INTS1: variants seen among roughly 807,000 people sequenced by gnomAD.
INTS1 encodes the protein integrator complex subunit 1.
A neutral mutation model predicts 241.6 loss-of-function variants in INTS1; 137 were observed. The ratio of observed to expected loss-of-function variants is 0.57; its 90% CI spans 0.49 to 0.65. The LOEUF (loss-of-function observed/expected upper bound fraction) is 0.65. Among genes scored for constraint, INTS1 ranks in the 30% least tolerant of loss-of-function variants. INTS1 has a pLI of 0.00. For synonymous variants in INTS1, 1,692 were observed against 1,337.8 expected (o/e 1.26, Z -5.78); for missense variants, 3,073 against 3,032.2 (o/e 1.01, Z -0.32).
chr7:1,503,832 A>T (rs1311058365), intron 2 of INTS1, 71 bp downstream of exon 2: 4 of 844,386 alleles, frequency 4.7e-6, no homozygotes, highest in Non-Finnish European at 6.9e-6. Context: ...GATCCGCGGC[A>T]GCTGAGATCC....
intron 43 of INTS1, among the ~76,000 whole-genome samples, 167 bp downstream of exon 43, chr7:1,472,905 G>T (rs77556237): frequency 0.055 from 8,396 of 152,198 alleles, 766 homozygotes; most frequent in African/African-American, 0.19. Context: ...ACCAGTCAGT[G>T]CTTCGTCCCC....
intron 39 of INTS1, 138 bp downstream of exon 39, chr7:1,475,810 G>T: frequency 1.8e-6 from 2 of 1,097,354 alleles, no homozygotes; most frequent in Non-Finnish European, 2.5e-6. Flanking sequence ...AACCCACAGG[G>T]CCACAGGGCG....
At position 1,496,240 on chromosome 7, in the gene INTS1, C is replaced by T. The variant is rs780652706; in HGVS notation, c.1627G>A (p.Asp543Asn). 17 of 1,613,748 alleles carry T rather than the reference C, an allele frequency of 1.1e-5. No individual in the cohort carries two copies. The highest frequency in any genetic ancestry group is 1.3e-5 in the Non-Finnish European group (15 of 1,179,804). Residue 543 changes from aspartate to asparagine, a missense_variant, in exon 12 of 48, where the codon GAC becomes AAC. Asp to Asn is a conservative substitution (Grantham distance 23). Coordinates refer to ENST00000404767, the MANE Select transcript of INTS1 (RefSeq NM_001080453.3). ...AGCATCATGGACACGGCCAGGACGT[C>T]GGTGATGTGCACCACGAAGCGCTCC... ...FKERFVVHIT[D>N]VLAVSMMLGI...
chr7:1,477,437 G>T (rs559884316), intron 35 of INTS1, 113 bp downstream of exon 35: 3 of 1,231,608 alleles, frequency 2.4e-6, no homozygotes, highest in East Asian at 2.6e-5. Context: ...CTGAGAGCAG[G>T]GGGGGTGCTG....
rs773762552 is a variant in INTS1, at chr7:1,481,450, C to T, written c.3742G>A (p.Val1248Met). 1 of 1,611,712 alleles carries T rather than the reference C, an allele frequency of 6.2e-7. No homozygotes were observed. Among genetic ancestry groups the T allele is most frequent in the South Asian group, 1.1e-5 (1 of 91,080 alleles). The change falls in exon 28 of 48, where the codon GTG becomes ATG. Residue 1248 changes from valine to methionine, a missense_variant. By Grantham distance (21) the Val-to-Met change is conservative. Coordinates refer to ENST00000404767, the MANE Select transcript of INTS1 (RefSeq NM_001080453.3). This position sits in a 1 kb window ranked among gnomAD's most constrained non-coding sequence, Gnocchi z 6.8. ...GACACGGGGATGCCAAACGACTGCACGAACAGCAGCAGCTGCTGCGGCTCC... is the reference window on the plus strand; with the variant it reads ...GACACGGGGATGCCAAACGACTGCATGAACAGCAGCAGCTGCTGCGGCTCC... ...DLEPQQLLLF[V>M]QSFGIPVSSM... is the part of the protein sequence containing the mutation.
At chr7:1,473,901 G>C (rs1781589664) in intron 41 of INTS1, among the ~76,000 whole-genome samples, 1 of 152,270 alleles carries the variant, frequency 6.6e-6, no homozygotes, top group Non-Finnish European at 1.5e-5. Flanking sequence ...TGCCCAGATG[G>C]ATGAGGGGCT....
intron 41 of INTS1, 61 bp downstream of exon 41, chr7:1,474,107 G>C: frequency 6.7e-7 from 1 of 1,488,104 alleles, no homozygotes; most frequent in Non-Finnish European, 8.9e-7. Flanking sequence ...GGGTGAGGCA[G>C]GCCTGGGCCA....
chr7:1,503,236 A>C (rs1301607985), intron 2 of INTS1, 45 bp from the exon 3 acceptor site: 2 of 1,499,672 alleles, frequency 1.3e-6, no homozygotes, highest in Non-Finnish European at 1.8e-6. Flanking sequence ...TGCAACACCC[A>C]AGATGGAAAA....
Position 1,503,155 on chromosome 7 carries a change from G to A in INTS1, c.95C>T (p.Ser32Leu), listed in dbSNP as rs745318401. 1.3e-6 allele frequency: 2 copies of A among 1,564,142 alleles called. No individual in the cohort carries two copies. The highest frequency in any genetic ancestry group is 1.7e-6 in the Non-Finnish European group (2 of 1,152,370). ...PPPGDFIALGSKGQANESKTA... is the reference protein window; with the variant it reads ...PPPGDFIALGLKGQANESKTA... ...TTTCGATTCATTGGCCTGACCCTTT[G>A]AGCCCAGAGCAATGAAGTCTCCTGG... The change falls in exon 3 of 48, where the codon TCA becomes TTA. Residue 32 changes from serine to leucine, a missense_variant. By Grantham distance (145) the Ser-to-Leu change is moderately radical (BLOSUM62 -2). Coordinates refer to ENST00000404767, the MANE Select transcript of INTS1 (RefSeq NM_001080453.3).
intron 39 of INTS1, among the ~76,000 whole-genome samples, chr7:1,475,271 G>A (rs1781657035): frequency 6.6e-6 from 1 of 152,106 alleles, no homozygotes; most frequent in South Asian, 2.1e-4. Context: ...TGTGATCCCA[G>A]CTACTCGGGA....
chr7:1,489,207 C>G (rs1041747641), intron 18 of INTS1, 137 bp downstream of exon 18: 10 of 158,146 alleles, frequency 6.3e-5, no homozygotes, highest in Non-Finnish European at 7.9e-5. Flanking sequence ...TCCAGAAGCT[C>G]AGGTCCATGA....
In INTS1 at chr7:1,474,168, C is replaced by G; in HGVS notation, c.5829G>C (p.Leu1943=). The change falls in exon 41 of 48, where the codon CTG becomes CTC. Residue 1943 remains leucine, a splice_region_variant and synonymous_variant. Transcript: ENST00000404767. The part of the protein sequence containing the change: ...DCLLSFIRLL[L]NYRKSSRHLA... ...GAGGGCGGGCGGCGGGAGCACACACCAGCAGCAGGCGGATGAAGGACAGAA... is the reference window on the plus strand; with the variant it reads ...GAGGGCGGGCGGCGGGAGCACACACGAGCAGCAGGCGGATGAAGGACAGAA... The G allele has an allele frequency of 6.4e-7, 1 of 1,564,964 alleles. No homozygotes were observed. Among genetic ancestry groups the G allele is most frequent in the Non-Finnish European group, 8.6e-7 (1 of 1,157,852 alleles).
chr7:1,501,869 G>C (rs1300255945), intron 3 of INTS1, among the ~76,000 whole-genome samples: 1 of 152,100 alleles, frequency 6.6e-6, no homozygotes, highest in Non-Finnish European at 1.5e-5. Flanking sequence ...TGCTGCCCAG[G>C]CCAGGCCAGG....
At chr7:1,480,992 C>A in intron 28 of INTS1, 59 bp from the exon 29 acceptor site, 1 of 1,285,632 alleles carries the variant, frequency 7.8e-7, no homozygotes, top group Non-Finnish European at 1.1e-6. Flanking sequence ...GCAGGTCCTT[C>A]CCTCTCCACA....
In INTS1 at chr7:1,489,597, T is replaced by C; in HGVS notation, c.2251A>G (p.Asn751Asp). The change falls in exon 17 of 48, where the codon AAC (asparagine) becomes GAC (aspartate). Residue 751 changes from asparagine to aspartate, a missense_variant. Physicochemically the swap from Asn to Asp is conservative, Grantham distance 23 (BLOSUM62 1). Coordinates refer to ENST00000404767, the MANE Select transcript of INTS1 (RefSeq NM_001080453.3). Reference sequence around the variant, plus strand: ...GCGGCCAGCAGAGGCTCACCGATGTTCTCTGGGTTGAATGCGGCGACGACC... The same window carrying C: ...GCGGCCAGCAGAGGCTCACCGATGTCCTCTGGGTTGAATGCGGCGACGACC... ...LLVVAAFNPE[N>D]IGLAAWEEYP... 1 of 1,585,088 alleles carries C rather than the reference T, an allele frequency of 6.3e-7. No individual in the cohort carries two copies. Among genetic ancestry groups the C allele is most frequent in the Non-Finnish European group, 8.6e-7 (1 of 1,164,636 alleles).
At chr7:1,473,472 T>G in intron 42 of INTS1, 94 bp downstream of exon 42, 2 of 1,441,136 alleles carry the variant, frequency 1.4e-6, no homozygotes, top group Non-Finnish European at 1.9e-6. Flanking sequence ...GAGCAGCATA[T>G]CTGACACGAC....
chr7:1,502,328 G>A (rs1490409458), intron 3 of INTS1, among the ~76,000 whole-genome samples: 2 of 152,252 alleles, frequency 1.3e-5, no homozygotes, highest in South Asian at 2.1e-4. Context: ...TTGGGAAAAT[G>A]GCGCAGAGGG....
At chr7:1,486,596 T>A (rs908075831) in intron 22 of INTS1, 29 bp downstream of exon 22, 1 of 1,603,888 alleles carries the variant, frequency 6.2e-7, no homozygotes, top group Non-Finnish European at 8.5e-7. Flanking sequence ...ATGAAGAGCG[T>A]GCGCAGAAAG....
At chr7:1,472,136 AACAGCCCACCCACCC>A (rs1172680855) in intron 44 of INTS1, 122 bp downstream of exon 44, 1 of 678,492 alleles carries the variant, frequency 1.5e-6, no homozygotes, top group African/African-American at 1.8e-5. Context: ...CACTGTGAGG[AACAGCCCACCCACCC>A]ACAGCCCAGC....
Sources: gnomAD v4.1 joint callset for allele counts (sites outside exome capture counted in the v4.1 genomes callset) on GRCh38, gnomAD v4.1.1 for gene constraint, Gnocchi (gnomAD v3.1) non-coding constraint, MANE v1.5 for transcripts, NCBI Gene and HGNC (gene_info 2026-07-23, HGNC 2026-07-21) for gene names.